PITPNC1: variants seen among roughly 807,000 people sequenced by gnomAD.
PITPNC1 encodes cytoplasmic phosphatidylinositol transfer protein 1.
In PITPNC1, 18 loss-of-function variants were observed where a neutral mutation model predicts 44.7. That is an observed-to-expected ratio of 0.40 (90% CI 0.28 to 0.60). PITPNC1 has a LOEUF of 0.60. PITPNC1 is among the 20% of genes least tolerant of loss of function. PITPNC1 has a pLI of 0.39. For missense variants in PITPNC1, 290 were observed against 418.4 expected (o/e 0.69, Z 2.68); for synonymous variants, 141 against 149.6 (o/e 0.94, Z 0.42).
chr17:67,390,384 G>A (rs535279203), intron 1 of PITPNC1, among the ~76,000 whole-genome samples: 1 of 152,320 alleles, frequency 6.6e-6, no homozygotes, highest in South Asian at 2.1e-4. Context: ...AGGGCATGGA[G>A]GCTGTGGCCA....
chr17:67,659,101 G>A (rs761321355), intron 6 of PITPNC1, among the ~76,000 whole-genome samples: 1 of 152,134 alleles, frequency 6.6e-6, no homozygotes, highest in Non-Finnish European at 1.5e-5. Flanking sequence ...AACTTTTGGT[G>A]TGCTCTGGGA....
At chr17:67,523,830 T>TA (rs1555661642) in intron 1 of PITPNC1, among the ~76,000 whole-genome samples, 58 of 148,910 alleles carry the variant, frequency 3.9e-4, no homozygotes, top group African/African-American at 1.2e-3. Flanking sequence ...TTTTTTTTTT[T>TA]AATTGAGACA....
intron 1 of PITPNC1, among the ~76,000 whole-genome samples, chr17:67,383,560 C>T (rs1384345867): frequency 1.3e-5 from 2 of 152,248 alleles, no homozygotes; most frequent in East Asian, 1.9e-4. Context: ...CGCAGCCACT[C>T]GGTCCCAGTG....
At chr17:67,527,022 C>A (rs2040399575) in intron 1 of PITPNC1, among the ~76,000 whole-genome samples, 3 of 151,970 alleles carry the variant, frequency 2.0e-5, no homozygotes, top group Admixed American at 2.0e-4. Flanking sequence ...ATGATGATTA[C>A]CCAAACTCTG....
intron 4 of PITPNC1, among the ~76,000 whole-genome samples, chr17:67,570,945 A>G (rs910260706): frequency 1.3e-5 from 2 of 152,192 alleles, no homozygotes; most frequent in African/African-American, 4.8e-5. Context: ...AGGTGGCATC[A>G]TAGGTGGAAC....
chr17:67,383,479 C>G (rs955385081), intron 1 of PITPNC1, among the ~76,000 whole-genome samples: 11 of 152,158 alleles, frequency 7.2e-5, no homozygotes, highest in Non-Finnish European at 1.5e-4. Flanking sequence ...GGACTCCAAC[C>G]TTGTGTCTGC....
At chr17:67,384,243 T>C (rs2038007351) in intron 1 of PITPNC1, among the ~76,000 whole-genome samples, 1 of 152,076 alleles carries the variant, frequency 6.6e-6, no homozygotes, top group African/African-American at 2.4e-5. Context: ...AACAACTTTT[T>C]CATACAGAAT....
intron 1 of PITPNC1, among the ~76,000 whole-genome samples, chr17:67,445,298 A>G (rs906563023): frequency 1.3e-5 from 2 of 151,982 alleles, no homozygotes; most frequent in African/African-American, 4.8e-5. Context: ...ACTCCAGAGA[A>G]TAACTTTTAT....
chr17:67,653,410 A>AT (rs1464677725), intron 6 of PITPNC1, among the ~76,000 whole-genome samples: 1 of 152,230 alleles, frequency 6.6e-6, no homozygotes, highest in African/African-American at 2.4e-5. Flanking sequence ...GGGGAAAGGC[A>AT]TGAAACAGAT....
At chr17:67,631,657 A>AATATATATATATATATATATATATATAT (rs1555574521) in intron 5 of PITPNC1, among the ~76,000 whole-genome samples, 6 of 7,652 alleles carry the variant, frequency 7.8e-4, no homozygotes, top group South Asian at 7.9e-3. Context: ...AAAAAAAAAA[A>AATATATATATATATATATATATATATAT]ATATATATAT....
intron 1 of PITPNC1, among the ~76,000 whole-genome samples, chr17:67,501,769 G>A (rs557528515): frequency 6.6e-6 from 1 of 152,026 alleles, no homozygotes; most frequent in African/African-American, 2.4e-5. Flanking sequence ...GGAGGTGGAG[G>A]TTGCAGTGAG....
At chr17:67,572,849 T>A (rs1481442158) in intron 4 of PITPNC1, among the ~76,000 whole-genome samples, 1 of 151,402 alleles carries the variant, frequency 6.6e-6, no homozygotes, top group Non-Finnish European at 1.5e-5. Context: ...ATGACTTTTG[T>A]CCTTGTAAGA....
intron 7 of PITPNC1, among the ~76,000 whole-genome samples, chr17:67,670,561 A>G (rs989829684): frequency 2.0e-5 from 3 of 151,970 alleles, no homozygotes; most frequent in African/African-American, 7.2e-5. Flanking sequence ...CAGCCTGGCC[A>G]ACCTGGTGAA....
At chr17:67,673,182 C>T (rs2042542835) in intron 7 of PITPNC1, among the ~76,000 whole-genome samples, 1 of 152,144 alleles carries the variant, frequency 6.6e-6, no homozygotes, top group Non-Finnish European at 1.5e-5. Context: ...TAAATGCTTT[C>T]CTTGTTTCTG....
intron 1 of PITPNC1, among the ~76,000 whole-genome samples, chr17:67,437,100 AGTGGAGACAGGGTTTC>A (rs2038949021): frequency 6.6e-6 from 1 of 151,294 alleles, no homozygotes; most frequent in South Asian, 2.1e-4. Flanking sequence ...TTGCATTTTT[AGTGGAGACAGGGTTTC>A]GCCATGTTGC....
chr17:67,422,714 A>G (rs2038688282), intron 1 of PITPNC1, among the ~76,000 whole-genome samples: 1 of 151,752 alleles, frequency 6.6e-6, no homozygotes, highest in Admixed American at 6.6e-5. Flanking sequence ...TAATTTTTGT[A>G]TTTTTAGTAG....
intron 1 of PITPNC1, among the ~76,000 whole-genome samples, chr17:67,447,497 G>C (rs1252818261): frequency 6.6e-6 from 1 of 151,782 alleles, no homozygotes; most frequent in Non-Finnish European, 1.5e-5. Context: ...TACAATTATA[G>C]CTGACTACAG....
chr17:67,459,157 G>A (rs184209199), intron 1 of PITPNC1, among the ~76,000 whole-genome samples: 285 of 117,810 alleles, frequency 2.4e-3, no homozygotes, highest in Middle Eastern at 0.015. Context: ...TGCTCTTGTC[G>A]CCCAGGCTGG....
chr17:67,526,214 G>A (rs1284450009), intron 1 of PITPNC1, among the ~76,000 whole-genome samples: 1 of 152,158 alleles, frequency 6.6e-6, no homozygotes, highest in Non-Finnish European at 1.5e-5. Context: ...TAGGGTAGGG[G>A]GTTATGGAGG....
Sources: allele counts gnomAD v4.1 joint callset (sites outside exome capture counted in the v4.1 genomes callset), GRCh38; gene constraint gnomAD v4.1.1; transcripts MANE v1.5; gene names NCBI Gene and HGNC (gene_info 2026-07-23, HGNC 2026-07-21).